FCSK: variants seen among roughly 807,000 people sequenced by gnomAD.
FCSK encodes the protein L-fucose kinase.
Under a neutral mutation model 122.5 loss-of-function variants are expected in FCSK, and 123 were observed. The ratio of observed to expected loss-of-function variants is 1.00; its 90% confidence interval spans 0.87 to 1.17. The LOEUF is 1.17. Among genes scored for constraint, FCSK ranks in the 50% most tolerant of loss-of-function variants. The probability of loss-of-function intolerance (pLI) is 0.00; values close to 1 mark genes in which losing one functional copy is unlikely to be tolerated. For missense variants in FCSK, 1,366 were observed against 1,450.4 expected (o/e 0.94, Z 0.95); for synonymous variants, 620 against 625.5 (o/e 0.99, Z 0.13).
intron 13 of FCSK, among the ~76,000 whole-genome samples, chr16:70,471,605 GT>G (rs973155229): frequency 2.0e-5 from 3 of 151,488 alleles, no homozygotes; most frequent in East Asian, 1.9e-4. Flanking sequence ...TGGGGATTTT[GT>G]TTTTTTTCTG....
At position 70,473,693 on chromosome 16, in the gene FCSK, C is replaced by T. The variant is rs1393635858; in HGVS notation, c.1777+340C>T. 6.6e-6 allele frequency among the ~76,000 whole-genome samples: 1 copy of T among 152,172 alleles called. No individual in the cohort carries two copies. The highest frequency in any genetic ancestry group is 1.5e-5 in the Non-Finnish European group (1 of 68,028). ...GCGAGGGGACAGAGCCCCCAGGGGA[C>T]ATGGTCATCTCTGCATGAGGTCCCA... On this transcript the variant is annotated intron_variant, in intron 15 of 23. Coordinates refer to ENST00000288078, the MANE Select transcript of FCSK (RefSeq NM_145059.3). This position sits in a 1 kb window ranked among gnomAD's most constrained non-coding sequence, Gnocchi z 4.9.
intron 1 of FCSK, among the ~76,000 whole-genome samples, chr16:70,462,654 A>T (rs997343258): frequency 1.3e-5 from 2 of 149,606 alleles, no homozygotes; most frequent in East Asian, 2.0e-4. Context: ...TTATTTATTT[A>T]TTTTTTTTGA....
intron 6 of FCSK, 182 bp downstream of exon 6, chr16:70,467,136 C>A: frequency 1.5e-6 from 1 of 680,654 alleles, no homozygotes; most frequent in Non-Finnish European, 2.6e-6. Context: ...CTCAGTCTGT[C>A]TGTCTATAGG....
intron 20 of FCSK, 41 bp from the exon 21 acceptor site, chr16:70,478,231 G>A: frequency 6.2e-7 from 1 of 1,602,706 alleles, no homozygotes; most frequent in Non-Finnish European, 8.5e-7. Context: ...AGTGAAGCTG[G>A]GCCAGATAGA....
In FCSK at chr16:70,474,985, G is replaced by A. The variant is rs368736266; in HGVS notation, c.2351G>A (p.Arg784Gln). The change falls in exon 18 of 24, where the codon CGG becomes CAG. Residue 784 changes from arginine (R) to glutamine (Q), a missense_variant. Transcript: ENST00000288078. Reference sequence around the variant, plus strand: ...GTGTGCCGGTGCCTGGCTGACCTGCGGGACTACTGCCAGCCTCATGCCCCA... The same window carrying A: ...GTGTGCCGGTGCCTGGCTGACCTGCAGGACTACTGCCAGCCTCATGCCCCA... Reference protein sequence around the residue: ...KIVCRCLADLRDYCQPHAPGA... With the variant: ...KIVCRCLADLQDYCQPHAPGA... 56 of 1,607,338 alleles carry A rather than the reference G, an allele frequency of 3.5e-5. No homozygotes were observed. The Middle Eastern group carries it at 5.1e-4, about 15-fold the overall frequency.
intron 1 of FCSK, among the ~76,000 whole-genome samples, chr16:70,459,365 T>A (rs1031898628): frequency 1.3e-5 from 2 of 151,998 alleles, no homozygotes; most frequent in Non-Finnish European, 2.9e-5. Context: ...GGTGAAACCC[T>A]GTCTTTACTA....
chr16:70,466,383 T>C, intron 5 of FCSK, 126 bp downstream of exon 5: 1 of 1,204,258 alleles, frequency 8.3e-7, no homozygotes, highest in Admixed American at 2.4e-5. Context: ...TGCCTAATGT[T>C]AGTTAAGAGC....
chr16:70,471,683 C>T (rs960333844), intron 13 of FCSK, among the ~76,000 whole-genome samples: 5 of 152,164 alleles, frequency 3.3e-5, no homozygotes, highest in African/African-American at 1.2e-4. Flanking sequence ...ACTGCAATCT[C>T]TGCCTCCCAG....
chr16:70,468,807 T>G, intron 8 of FCSK, 42 bp from the exon 9 acceptor site: 1 of 1,612,494 alleles, frequency 6.2e-7, no homozygotes, highest in Middle Eastern at 1.7e-4. Context: ...CAGGGCCTGG[T>G]CCAGGGCCCT....
rs1382735016 is a variant in FCSK at position 70,474,340 on chromosome 16, G to T, written c.1988+1G>T. On this transcript the variant is annotated splice_donor_variant, in intron 16 of 23. Coordinates refer to ENST00000288078, the MANE Select transcript of FCSK (RefSeq NM_145059.3). LOFTEE classifies it high-confidence loss of function. ...AGGAGAGGGACAAGTGGCTAAGCAG[G>T]TGTGTACTAATGGAGGTCAGATCCC... The T allele has an allele frequency of 7.4e-6, 12 of 1,612,798 alleles. No homozygotes were observed. The Admixed American group carries it at 1.7e-4, about 22-fold the overall frequency.
Position 70,473,271 on chromosome 16 carries a change from G to A in FCSK, c.1695G>A (p.Arg565=), listed in dbSNP as rs1485587150. 1 of 1,530,572 alleles carries A rather than the reference G, an allele frequency of 6.5e-7. No individual in the cohort carries two copies. Among genetic ancestry groups the A allele is most frequent in the South Asian group, 1.2e-5 (1 of 83,642 alleles). 94.8% of individuals were successfully genotyped at this position (1,530,572 alleles called of 1,614,324 possible). A position where few individuals can be genotyped will look rare whatever the true frequency, so the allele number is the denominator to read the frequency against. The change falls in exon 15 of 24, where the codon CGG becomes CGA. Residue 565 remains arginine (R), a synonymous_variant. Coordinates refer to ENST00000288078, the MANE Select transcript of FCSK (RefSeq NM_145059.3). The surrounding 1 kb of genome is among the most constrained non-coding windows in gnomAD (Gnocchi z 4.9). ...AGGCGCGGCACGTGCTGGAGGCCCG[G>A]CAGGACCTCAGCCTGCGCCCGCTGA... ...LHKARHVLEA[R]QDLSLRPLIW...
At chr16:70,467,211 G>C in intron 6 of FCSK, 163 bp from the exon 7 acceptor site, 3 of 628,512 alleles carry the variant, frequency 4.8e-6, no homozygotes, top group Non-Finnish European at 8.4e-6. Flanking sequence ...TGGGAGAGGA[G>C]GGTTGTCATT....
In FCSK at chr16:70,473,172, G is replaced by C. The variant is rs2048686355; in HGVS notation, c.1596G>C (p.Gln532His). Residue 532 changes from glutamine (Q) to histidine (H), a missense_variant, in exon 15 of 24, where the codon CAG (glutamine) becomes CAC (histidine). Transcript: ENST00000288078. This position sits in a 1 kb window ranked among gnomAD's most constrained non-coding sequence, Gnocchi z 4.9. ...WRASWRLSWE[Q>H]LQPCLDRAAT... ...CCTCCTGGCGCCTGTCCTGGGAGCA[G>C]CTGCAGCCGTGCCTGGATCGGGCTG... 24 of 1,542,770 alleles carry C rather than the reference G, an allele frequency of 1.6e-5. No homozygotes were observed. Among genetic ancestry groups the C allele is most frequent in the Non-Finnish European group, 2.1e-5 (24 of 1,147,450 alleles).
chr16:70,472,671 T>C (rs1391713986), intron 14 of FCSK, 66 bp downstream of exon 14: 37 of 1,310,490 alleles, frequency 2.8e-5, no homozygotes, highest in Non-Finnish European at 3.6e-5. Flanking sequence ...CTCTTTGAGG[T>C]GTGTCCCTCC....
intron 6 of FCSK, 97 bp downstream of exon 6, chr16:70,467,051 C>A (rs556896712): frequency 8.7e-7 from 1 of 1,144,922 alleles, no homozygotes; most frequent in Non-Finnish European, 1.3e-6. Context: ...GGGCCTGCCC[C>A]GCTGCCCTAT....
Position 70,471,016 on chromosome 16 carries a change from C to T in FCSK, c.1114C>T (p.Leu372=). 1 of 1,602,084 alleles carries T rather than the reference C, an allele frequency of 6.2e-7. No homozygotes were observed. ...AAGSSVVSCL[L]EGPVQLGPGS... ...CGGGAGCTCTGTGGTCAGCTGCCTG[C>T]TGGAGGGCCCTGTCCAGCTGGGTCC... Residue 372 remains leucine, a synonymous_variant, in exon 12 of 24, where the codon CTG becomes TTG. Coordinates refer to ENST00000288078, the MANE Select transcript of FCSK (RefSeq NM_145059.3).
At chr16:70,474,098 C>A in intron 15 of FCSK, 31 bp from the exon 16 acceptor site, 1 of 1,543,458 alleles carries the variant, frequency 6.5e-7, no homozygotes, top group Non-Finnish European at 8.7e-7. Flanking sequence ...CAGGCCTCCT[C>A]CCCTGCCACC....
chr16:70,475,817 G>T (rs746459292), intron 20 of FCSK, 50 bp downstream of exon 20: 2 of 1,496,176 alleles, frequency 1.3e-6, no homozygotes, highest in Non-Finnish European at 1.8e-6. Flanking sequence ...TTTCCCAAGG[G>T]CCCGCGGGGG....
chr16:70,459,651 T>G (rs2048199896), intron 1 of FCSK, among the ~76,000 whole-genome samples: 1 of 148,704 alleles, frequency 6.7e-6, no homozygotes, highest in African/African-American at 2.5e-5. Context: ...GCCTCATTTC[T>G]CCGTCTTTTT....
Sources: allele counts gnomAD v4.1 joint callset (sites outside exome capture counted in the v4.1 genomes callset), GRCh38; gene constraint gnomAD v4.1.1; non-coding constraint Gnocchi (gnomAD v3.1); transcripts MANE v1.5; gene names NCBI Gene and HGNC (gene_info 2026-07-23, HGNC 2026-07-21).